The following MMP27 variants were observed in gnomAD, a reference collection of about 807,000 sequenced individuals.
MMP27 encodes the protein matrix metalloproteinase-27.
MMP27 carries 51 observed loss-of-function variants against 48.1 expected under a neutral mutation model. That is an observed-to-expected ratio of 1.06 (90% confidence interval 0.85 to 1.34). MMP27 has a LOEUF of 1.34. MMP27 is among the 40% of genes most tolerant of loss of function. The pLI, the probability that MMP27 is intolerant of heterozygous loss-of-function variation, is 0.00. For missense variants in MMP27, 698 were observed against 619.3 expected, an observed-to-expected ratio of 1.13 and a Z score of -1.35; for synonymous variants, 229 against 208.9, an observed-to-expected ratio of 1.10 and a Z score of -0.83.
At chr11:102,705,261 A>T (rs1469665440) in intron 1 of MMP27, among the ~76,000 whole-genome samples, 4 of 152,128 alleles carry the variant, frequency 2.6e-5, no homozygotes, top group African/African-American at 9.7e-5. Context: ...TTTTTCATAC[A>T]TATAGGGATT....
In MMP27 at chr11:102,704,606, C is replaced by T; in HGVS notation, c.272G>A (p.Cys91Tyr). Residue 91 changes from cysteine to tyrosine, a missense_variant, in exon 2 of 10, where the codon TGT becomes TAT. Physicochemically the swap from Cys to Tyr is radical, Grantham distance 194 (BLOSUM62 -2). Coordinates refer to ENST00000260229, the MANE Select transcript of MMP27 (RefSeq NM_022122.3). ...ATACTGGCCCACATCAGGCACCCCA[C>T]ACCTGGGTGTCTTCATGATCTCAAG... is the stretch of plus-strand genomic sequence containing the variant. ...NTLEIMKTPRCGVPDVGQYGY... is the reference protein window; with the variant it reads ...NTLEIMKTPRYGVPDVGQYGY... The T allele has an allele frequency of 6.2e-7, 1 of 1,614,208 alleles. No individual in the cohort carries two copies. Among genetic ancestry groups the T allele is most frequent in the South Asian group, 1.1e-5 (1 of 91,082 alleles).
In MMP27 at chr11:102,703,140, G is replaced by A. The variant is rs574955343; in HGVS notation, c.342-22C>T. Reference sequence around the variant, plus strand: ...TATTCTTAAAAATTAACAAAAATATGTCAATTTCTGGCTTATTCATGCATG... The same window carrying A: ...TATTCTTAAAAATTAACAAAAATATATCAATTTCTGGCTTATTCATGCATG... On this transcript the variant is annotated intron_variant, in intron 2 of 9. Coordinates refer to ENST00000260229, the MANE Select transcript of MMP27 (RefSeq NM_022122.3). 3.4e-5 allele frequency: 54 copies of A among 1,603,866 alleles called. No individual in the cohort carries two copies. The East Asian group carries it at 1.1e-3, about 33-fold the overall frequency.
In MMP27 at chr11:102,693,009, C is replaced by A. The variant is rs779018510; in HGVS notation, c.1226G>T (p.Gly409Val). ...FDEMTQTMDK[G>V]FPQRVVKHFP... ...GTGTTTTACCACTCTCTGCGGGAACCCTTTGTCCATGGTTTGGGTCATTTC... is the reference window on the plus strand; with the variant it reads ...GTGTTTTACCACTCTCTGCGGGAACACTTTGTCCATGGTTTGGGTCATTTC... The change falls in exon 9 of 10, where the codon GGG (glycine) becomes GTG (valine). Residue 409 changes from glycine (G) to valine (V), a missense_variant. Gly to Val is a moderately radical substitution (Grantham distance 109, BLOSUM62 -3). Transcript: ENST00000260229. The A allele has an allele frequency of 1.2e-6, 2 of 1,613,526 alleles. No individual in the cohort carries two copies. The highest frequency in any genetic ancestry group is 1.7e-6 in the Non-Finnish European group (2 of 1,179,754).
At chr11:102,698,736 G>T (rs1258735506) in intron 4 of MMP27, among the ~76,000 whole-genome samples, 1 of 151,988 alleles carries the variant, frequency 6.6e-6, no homozygotes, top group East Asian at 1.9e-4. Context: ...TCATACCTTT[G>T]TCTCTTTGCT....
rs764422966 is a variant in MMP27 at position 102,703,055 on chromosome 11, T to C, written c.405A>G (p.Leu135=). 4.3e-6 allele frequency: 7 copies of C among 1,614,192 alleles called. No individual in the cohort carries two copies. Among genetic ancestry groups the C allele is most frequent in the Middle Eastern group, 1.6e-4 (1 of 6,062 alleles). ...GTGGAGTGACTTTGCTCCACACTTC[T>C]AAACCTTCTTGGATAGCCTCATCCA... ...AAVDEAIQEG[L]EVWSKVTPLK... The change falls in exon 3 of 10, where the codon TTA becomes TTG. Residue 135 remains leucine, a synonymous_variant. Transcript: ENST00000260229.
At chr11:102,694,921 T>C in intron 7 of MMP27, 46 bp downstream of exon 7, 1 of 1,609,216 alleles carries the variant, frequency 6.2e-7, no homozygotes, top group Non-Finnish European at 8.5e-7. Flanking sequence ...CACTGGTTAG[T>C]TCAGGCAGCC....
Position 102,694,951 on chromosome 11 carries a change from G to A in MMP27, c.1033+16C>T. On this transcript the variant is annotated intron_variant, in intron 7 of 9. Transcript: ENST00000260229. ...GCAGCCAGAGGGAGAAGAGGAATCG[G>A]GATGGGCCAGGTTACCTTTAAAAAC... The A allele has an allele frequency of 6.2e-7, 1 of 1,613,346 alleles. No homozygotes were observed. The highest frequency in any genetic ancestry group is 8.5e-7 in the Non-Finnish European group (1 of 1,179,512).
intron 2 of MMP27, 110 bp downstream of exon 2, chr11:102,704,427 G>T: frequency 1.2e-6 from 1 of 828,504 alleles, no homozygotes; most frequent in Non-Finnish European, 2.0e-6. Context: ...CCTAAGATGT[G>T]CTGTGCACAC....
At chr11:102,692,797 G>T in intron 9 of MMP27, 141 bp downstream of exon 9, 1 of 611,698 alleles carries the variant, frequency 1.6e-6, no homozygotes, top group East Asian at 2.8e-5. Context: ...GATAATGTTT[G>T]TGGGGTTAAT....
chr11:102,694,369 A>G (rs141556870), intron 7 of MMP27, among the ~76,000 whole-genome samples: 1 of 152,244 alleles, frequency 6.6e-6, no homozygotes, highest in Admixed American at 6.5e-5. Context: ...GTATTTAAAC[A>G]TCACATTGTA....
Position 102,691,904 on chromosome 11 carries a change from T to A in MMP27, c.1404A>T (p.Pro468=). ...RTNTWFQCKE[P]KNSSFGFDIN... ...TATCAAAACCAAATGAGGAGTTCTT[T>A]GGTTCTTTGCATTGAAACCAAGTAT... The change falls in exon 10 of 10, where the codon CCA becomes CCT. Residue 468 remains proline, a synonymous_variant. Coordinates refer to ENST00000260229, the MANE Select transcript of MMP27 (RefSeq NM_022122.3). The A allele has an allele frequency of 6.2e-7, 1 of 1,613,704 alleles. No individual in the cohort carries two copies. Among genetic ancestry groups the A allele is most frequent in the Non-Finnish European group, 8.5e-7 (1 of 1,179,810 alleles).
intron 6 of MMP27, 89 bp from the exon 7 acceptor site, chr11:102,695,186 G>A: frequency 7.1e-7 from 1 of 1,404,090 alleles, no homozygotes; most frequent in Non-Finnish European, 9.8e-7. Flanking sequence ...TTAGCTAATT[G>A]GTTGGTATCT....
chr11:102,703,184 CA>C (rs1211762477), intron 2 of MMP27, 66 bp from the exon 3 acceptor site: 3 of 1,432,680 alleles, frequency 2.1e-6, no homozygotes, highest in Admixed American at 2.2e-5. Flanking sequence ...CACATAACTA[CA>C]AAAAACATTT....
Position 102,694,949 on chromosome 11 carries a change from C to T in MMP27, c.1033+18G>A, listed in dbSNP as rs756399727. ...AGGCAGCCAGAGGGAGAAGAGGAATCGGGATGGGCCAGGTTACCTTTAAAA... is the reference window on the plus strand; with the variant it reads ...AGGCAGCCAGAGGGAGAAGAGGAATTGGGATGGGCCAGGTTACCTTTAAAA... On this transcript the variant is annotated intron_variant, in intron 7 of 9. Transcript: ENST00000260229. 3.1e-6 allele frequency: 5 copies of T among 1,612,740 alleles called. No homozygotes were observed. Among genetic ancestry groups the T allele is most frequent in the South Asian group, 2.2e-5 (2 of 90,964 alleles).
intron 4 of MMP27, among the ~76,000 whole-genome samples, chr11:102,699,278 G>A (rs933314158): frequency 2.6e-5 from 4 of 151,850 alleles, no homozygotes; most frequent in Admixed American, 2.6e-4. Context: ...AGCAGCCTGG[G>A]TAACATGGAG....
Position 102,693,055 on chromosome 11 carries a change from T to C in MMP27, c.1194-14A>G. The C allele has an allele frequency of 1.3e-6, 2 of 1,596,982 alleles. No individual in the cohort carries two copies. Among genetic ancestry groups the C allele is most frequent in the Non-Finnish European group, 1.7e-6 (2 of 1,165,238 alleles). On this transcript the variant is annotated splice_polypyrimidine_tract_variant and intron_variant, in intron 8 of 9. Coordinates refer to ENST00000260229, the MANE Select transcript of MMP27 (RefSeq NM_022122.3). ...ATTTCATCAAACCTGCATACAAGAA[T>C]ATGAAAGGATACCAGCGGATCTTTG... is the stretch of plus-strand genomic sequence containing the variant.
intron 4 of MMP27, among the ~76,000 whole-genome samples, chr11:102,698,285 A>G (rs1860870878): frequency 6.6e-6 from 1 of 152,108 alleles, no homozygotes; most frequent in South Asian, 2.1e-4. Context: ...GTGCTGTGAC[A>G]TCACTAGGTG....
Position 102,704,418 on chromosome 11 carries a change from C to G in MMP27, c.341+119G>C, listed in dbSNP as rs113965322. The G allele has an allele frequency of 2.9e-4, 227 of 782,888 alleles. 1 individual carries two copies. The African/African-American group carries it at 3.3e-3, about 11-fold the overall frequency. 48.5% of individuals were successfully genotyped at this position (782,888 alleles called of 1,614,324 possible). ...GTTGGGAAGATACCGTAAATGGAGCCTAAGATGTGCTGTGCACACAGGAAG... is the reference window on the plus strand; with the variant it reads ...GTTGGGAAGATACCGTAAATGGAGCGTAAGATGTGCTGTGCACACAGGAAG... On this transcript the variant is annotated intron_variant, in intron 2 of 9. Coordinates refer to ENST00000260229, the MANE Select transcript of MMP27 (RefSeq NM_022122.3).
chr11:102,694,137 A>C, intron 7 of MMP27, 72 bp from the exon 8 acceptor site: 2 of 1,160,364 alleles, frequency 1.7e-6, no homozygotes, highest in Non-Finnish European at 2.4e-6. Flanking sequence ...AAAAATCATT[A>C]GATACCTAGT....
Sources: gnomAD v4.1 joint callset for allele counts (sites outside exome capture counted in the v4.1 genomes callset) on GRCh38, gnomAD v4.1.1 for gene constraint, MANE v1.5 for transcripts, NCBI Gene and HGNC (gene_info 2026-07-23, HGNC 2026-07-21) for gene names.